The following CALN1 variants were observed in gnomAD, a reference collection of about 807,000 sequenced individuals.
CALN1 encodes calneuron 1, also known as calcium-binding protein 8.
Under a neutral mutation model 30.6 loss-of-function variants are expected in CALN1, and 17 were observed. The ratio of observed to expected loss-of-function variants is 0.56; its 90% confidence interval spans 0.38 to 0.83. The LOEUF is 0.83. CALN1 is among the 40% of genes least tolerant of loss of function. CALN1 has a pLI of 0.00. For missense variants in CALN1, 291 were observed against 354.9 expected (o/e 0.82, Z 1.45); for synonymous variants, 156 against 131.4 (o/e 1.19, Z -1.28).
chr7:71,822,186 G>C (rs1365828678), intron 5 of CALN1, among the ~76,000 whole-genome samples: 1 of 152,172 alleles, frequency 6.6e-6, no homozygotes, highest in Non-Finnish European at 1.5e-5. Flanking sequence ...CAATGGTAGA[G>C]TCTAATTCCA....
intron 5 of CALN1, among the ~76,000 whole-genome samples, chr7:71,893,381 A>T (rs934485608): frequency 6.6e-6 from 1 of 152,110 alleles, no homozygotes; most frequent in Admixed American, 6.5e-5. Flanking sequence ...GAAGTGTACA[A>T]TCTAGTTGAA....
chr7:72,383,203 GAAT>G (rs1805015040), intron 2 of CALN1, among the ~76,000 whole-genome samples: 2 of 152,148 alleles, frequency 1.3e-5, no homozygotes, highest in African/African-American at 4.8e-5. Context: ...TTGCTATTGT[GAAT>G]AATGCTGCAA....
intron 4 of CALN1, among the ~76,000 whole-genome samples, chr7:72,025,885 T>C (rs752132665): frequency 4.6e-5 from 7 of 151,846 alleles, no homozygotes; most frequent in African/African-American, 1.2e-4. Flanking sequence ...TCAGAACAGA[T>C]TGTCCAGGAA....
At chr7:72,136,262 T>C (rs1462339047) in intron 3 of CALN1, among the ~76,000 whole-genome samples, 2 of 152,234 alleles carry the variant, frequency 1.3e-5, no homozygotes, top group Admixed American at 6.5e-5. Context: ...AACTTGCTGC[T>C]GCAGCTTCTA....
intron 2 of CALN1, among the ~76,000 whole-genome samples, chr7:72,394,476 C>T (rs769117438): frequency 1.3e-5 from 2 of 152,114 alleles, no homozygotes; most frequent in African/African-American, 2.4e-5. Flanking sequence ...ATGACCTGAA[C>T]AGACATCATT....
intron 4 of CALN1, among the ~76,000 whole-genome samples, chr7:72,083,620 G>A (rs1242632783): frequency 2.6e-5 from 4 of 151,974 alleles, no homozygotes; most frequent in African/African-American, 9.7e-5. Context: ...GAAAATGCAA[G>A]GAATAAAAAA....
intron 2 of CALN1, among the ~76,000 whole-genome samples, chr7:72,326,975 T>C (rs1179808555): frequency 6.6e-6 from 1 of 152,242 alleles, no homozygotes; most frequent in Non-Finnish European, 1.5e-5. Flanking sequence ...TTCATTCTTT[T>C]CACCACAAAA....
At chr7:72,499,876 T>C in the CALN1 span, among the ~76,000 whole-genome samples, 8 of 71,188 alleles carry the variant, frequency 1.1e-4, no homozygotes, top group Admixed American at 5.0e-4. Context: ...TTTCTTTCTT[T>C]CTTTCTTTCT....
intron 3 of CALN1, among the ~76,000 whole-genome samples, chr7:72,218,988 G>C (rs1793063864): frequency 6.6e-6 from 1 of 152,170 alleles, no homozygotes; most frequent in Non-Finnish European, 1.5e-5. Context: ...GGGAACTGCA[G>C]ATGCCATGAG....
chr7:71,933,888 G>A (rs61072003), intron 5 of CALN1, among the ~76,000 whole-genome samples: 26,608 of 151,954 alleles, frequency 0.18, 2,457 homozygotes, highest in Non-Finnish European at 0.21. Context: ...ACCAGGGCCA[G>A]GCAGGTGACG....
chr7:72,431,206 G>C (rs951722507), intron 1 of CALN1, among the ~76,000 whole-genome samples: 1 of 151,872 alleles, frequency 6.6e-6, no homozygotes, highest in Non-Finnish European at 1.5e-5. Flanking sequence ...CTGGGATTAC[G>C]GGCATAAGCC....
chr7:72,137,257 A>T (rs1161318772), intron 3 of CALN1, among the ~76,000 whole-genome samples: 1 of 152,130 alleles, frequency 6.6e-6, no homozygotes, highest in Non-Finnish European at 1.5e-5. Flanking sequence ...GTTTCTAGTT[A>T]TGCTGACATT....
chr7:72,013,077 C>G (rs1800177380), intron 5 of CALN1, among the ~76,000 whole-genome samples: 1 of 152,028 alleles, frequency 6.6e-6, no homozygotes. Context: ...GGATTAAAGG[C>G]ATGAGCCACT....
intron 2 of CALN1, among the ~76,000 whole-genome samples, chr7:72,302,935 T>G (rs1799391828): frequency 1.5e-5 from 2 of 130,758 alleles, no homozygotes; most frequent in East Asian, 2.3e-4. Flanking sequence ...AATCCGGGCC[T>G]GGTGGCATCC....
chr7:71,881,310 C>T (rs1022728750), intron 5 of CALN1, among the ~76,000 whole-genome samples: 1 of 152,104 alleles, frequency 6.6e-6, no homozygotes, highest in Non-Finnish European at 1.5e-5. Context: ...TGGGACTTCA[C>T]CTTGTGATTG....
chr7:72,466,040 T>C, the CALN1 span, among the ~76,000 whole-genome samples: 2 of 152,144 alleles, frequency 1.3e-5, no homozygotes, highest in Non-Finnish European at 2.9e-5. Context: ...GCCAAGAGAC[T>C]ATATGCTTCT....
Position 71,790,554 on chromosome 7 carries a change from C to G in CALN1, c.659-2652G>C, listed in dbSNP as rs557566012. On this transcript the variant is annotated intron_variant, in intron 6 of 6. Transcript: ENST00000395275. ...CCTCCTTTTCCTCTACACTTTCTCC[C>G]TTGCTGTCTGTCCTGCAGTTGTGCA... Among the ~76,000 whole-genome samples the G allele has an allele frequency of 9.7e-4, 148 of 152,264 alleles. 6 individuals are homozygous for G. The South Asian group carries it at 0.03, about 31-fold the overall frequency.
At chr7:72,428,397 AT>A (rs11459464) in intron 1 of CALN1, among the ~76,000 whole-genome samples, 127 of 144,846 alleles carry the variant, frequency 8.8e-4, no homozygotes, top group African/African-American at 8.8e-4. Context: ...TTATTTTATT[AT>A]TTTTTTTTTT....
chr7:71,852,235 T>C (rs1442898885), intron 5 of CALN1, among the ~76,000 whole-genome samples: 1 of 152,222 alleles, frequency 6.6e-6, no homozygotes, highest in African/African-American at 2.4e-5. Context: ...CAAGACTCCA[T>C]GAACAATCTT....
Sources: allele counts gnomAD v4.1 joint callset (sites outside exome capture counted in the v4.1 genomes callset), GRCh38; gene constraint gnomAD v4.1.1; transcripts MANE v1.5; gene names NCBI Gene and HGNC (gene_info 2026-07-23, HGNC 2026-07-21).